Variants in ROBO2 observed in about 807,000 individuals in gnomAD.
ROBO2 encodes roundabout guidance receptor 2, also known as roundabout homolog 2.
ROBO2 carries 53 observed loss-of-function variants against 160.8 expected under a neutral mutation model. The ratio of observed to expected loss-of-function variants is 0.33; its 90% confidence interval spans 0.26 to 0.41. The LOEUF (loss-of-function observed/expected upper bound fraction) is 0.41. Ranked by LOEUF, ROBO2 falls within the 10% of genes least tolerant of loss-of-function variation. The pLI is 1.00. For missense variants in ROBO2, 1,577 were observed against 1,722.4 expected, an observed-to-expected ratio of 0.92 and a Z score of 1.49; for synonymous variants, 664 against 611.7, an observed-to-expected ratio of 1.09 and a Z score of -1.26.
intron 2 of ROBO2, among the ~76,000 whole-genome samples, chr3:76,535,451 T>C (rs1291537869): frequency 1.3e-5 from 2 of 151,936 alleles, no homozygotes; most frequent in African/African-American, 2.4e-5. Context: ...AAGGGGTACA[T>C]GATCAGTTGT....
chr3:77,368,325 T>C (rs1408498689), intron 2 of ROBO2, among the ~76,000 whole-genome samples: 1 of 152,172 alleles, frequency 6.6e-6, no homozygotes, highest in East Asian at 1.9e-4. Context: ...TTATTATTCA[T>C]GAATATACAT....
At chr3:76,387,013 G>C (rs1041331879) in intron 2 of ROBO2, among the ~76,000 whole-genome samples, 1 of 152,170 alleles carries the variant, frequency 6.6e-6, no homozygotes, top group Non-Finnish European at 1.5e-5. Context: ...ATATGATAGA[G>C]ATCTGTTTCT....
intron 2 of ROBO2, among the ~76,000 whole-genome samples, chr3:77,324,623 C>CA (rs1216974198): frequency 2.0e-5 from 3 of 149,146 alleles, no homozygotes; most frequent in East Asian, 2.0e-4. Flanking sequence ...ACTAAAAATA[C>CA]AAAAAAATTA....
intron 2 of ROBO2, among the ~76,000 whole-genome samples, chr3:75,985,251 C>A (rs146635833): frequency 1.3e-5 from 2 of 151,412 alleles, no homozygotes; most frequent in Admixed American, 1.3e-4. Flanking sequence ...GGCCAATATC[C>A]GTAAGTGAAG....
At chr3:76,547,249 G>T (rs972390244) in intron 2 of ROBO2, among the ~76,000 whole-genome samples, 1 of 151,874 alleles carries the variant, frequency 6.6e-6, no homozygotes, top group Admixed American at 6.6e-5. Flanking sequence ...TTCACATTTT[G>T]CAAAGTTTGA....
intron 2 of ROBO2, among the ~76,000 whole-genome samples, chr3:77,108,685 T>G (rs559319077): frequency 6.6e-6 from 1 of 152,142 alleles, no homozygotes; most frequent in Admixed American, 6.6e-5. Context: ...GGCCGCAAGT[T>G]GCTTCTAGGT....
intron 2 of ROBO2, among the ~76,000 whole-genome samples, chr3:77,322,287 G>C (rs11710496): frequency 0.16 from 24,150 of 152,078 alleles, 2,185 homozygotes; most frequent in Admixed American, 0.28. Flanking sequence ...AATTATGTTT[G>C]ACACTGTATT....
At chr3:76,960,561 C>T (rs1271505058) in intron 2 of ROBO2, among the ~76,000 whole-genome samples, 1 of 151,814 alleles carries the variant, frequency 6.6e-6, no homozygotes, top group Non-Finnish European at 1.5e-5. Flanking sequence ...AAAGGTAAGA[C>T]TATTATAAGT....
At chr3:77,445,991 G>A (rs1040968656) in intron 2 of ROBO2, among the ~76,000 whole-genome samples, 3 of 151,644 alleles carry the variant, frequency 2.0e-5, no homozygotes, top group South Asian at 2.1e-4. Context: ...TTTATTCTTC[G>A]GGTTTGTGAG....
chr3:76,824,075 A>AC (rs2066361211), intron 2 of ROBO2, among the ~76,000 whole-genome samples: 2 of 152,174 alleles, frequency 1.3e-5, no homozygotes, highest in Non-Finnish European at 2.9e-5. Flanking sequence ...CCTTTAGGGC[A>AC]ACGTTGTCTT....
At chr3:76,259,487 T>TA (rs1000206909) in intron 2 of ROBO2, among the ~76,000 whole-genome samples, 2 of 152,164 alleles carry the variant, frequency 1.3e-5, no homozygotes, top group African/African-American at 4.8e-5. Context: ...CAGTTCTATA[T>TA]AGATTCTCAT....
At chr3:76,452,971 T>G (rs1184304746) in intron 2 of ROBO2, among the ~76,000 whole-genome samples, 1 of 152,196 alleles carries the variant, frequency 6.6e-6, no homozygotes, top group Non-Finnish European at 1.5e-5. Flanking sequence ...CATAAATGTC[T>G]TCTTTTGAGA....
chr3:77,411,384 T>C (rs1177627926), intron 2 of ROBO2, among the ~76,000 whole-genome samples: 3 of 152,224 alleles, frequency 2.0e-5, no homozygotes, highest in Non-Finnish European at 4.4e-5. Flanking sequence ...TAAATCTATA[T>C]TTCAGATAAA....
At chr3:77,040,951 G>T in intron 1 of ROBO2, 105 bp downstream of exon 1, 1 of 1,482,738 alleles carries the variant, frequency 6.7e-7, no homozygotes, top group Non-Finnish European at 9.4e-7. Context: ...ATGACATTAT[G>T]TCTGTTAGTC....
At chr3:77,041,420 G>C (rs2064080928) in intron 1 of ROBO2, among the ~76,000 whole-genome samples, 1 of 152,316 alleles carries the variant, frequency 6.6e-6, no homozygotes, top group South Asian at 2.1e-4. Flanking sequence ...GAAGGGGGAA[G>C]CATCAGCTAT....
At chr3:77,002,472 TA>T in intron 2 of ROBO2, among the ~76,000 whole-genome samples, 1 of 152,104 alleles carries the variant, frequency 6.6e-6, no homozygotes, top group East Asian at 1.9e-4. Context: ...TTTGATATTA[TA>T]AAATTAATAC....
chr3:77,468,881 C>T (rs953856633), intron 2 of ROBO2, among the ~76,000 whole-genome samples: 2 of 152,122 alleles, frequency 1.3e-5, no homozygotes, highest in African/African-American at 2.4e-5. Flanking sequence ...TACAGGGTGC[C>T]AGAGTGTCAG....
intron 2 of ROBO2, among the ~76,000 whole-genome samples, chr3:76,988,159 A>G (rs2060485132): frequency 6.6e-6 from 1 of 152,158 alleles, no homozygotes; most frequent in South Asian, 2.1e-4. Context: ...TTTTAAAATA[A>G]TCAGTTGATG....
chr3:77,338,596 G>A (rs1223666008), intron 2 of ROBO2, among the ~76,000 whole-genome samples: 2 of 151,944 alleles, frequency 1.3e-5, no homozygotes, highest in Non-Finnish European at 2.9e-5. Context: ...TTTTTTTAAT[G>A]GCAAACATAG....
Sources: allele counts gnomAD v4.1 joint callset (sites outside exome capture counted in the v4.1 genomes callset), GRCh38; gene constraint gnomAD v4.1.1; transcripts MANE v1.5; gene names NCBI Gene and HGNC (gene_info 2026-07-23, HGNC 2026-07-21).